RTTN: variants seen among roughly 807,000 people sequenced by gnomAD.
RTTN encodes rotatin.
RTTN carries 182 observed loss-of-function variants against 269.2 expected under a neutral mutation model. The ratio of observed to expected loss-of-function variants is 0.68; its 90% CI spans 0.60 to 0.76. The LOEUF (loss-of-function observed/expected upper bound fraction) is 0.76, where lower values mean the gene tolerates loss of function less well. Among genes scored for constraint, RTTN ranks in the 30% least tolerant of loss-of-function variants. RTTN has a pLI of 0.00. For missense variants in RTTN, 2,545 were observed against 2,608.6 expected (o/e 0.98, Z 0.53); for synonymous variants, 1,006 against 963.5 (o/e 1.04, Z -0.82).
At chr18:70,190,802 A>G in intron 8 of RTTN, 83 bp from the exon 9 acceptor site, 2 of 926,562 alleles carry the variant, frequency 2.2e-6, no homozygotes, top group East Asian at 2.5e-5. Flanking sequence ...CTCGCATATT[A>G]GAAGCCTCAT....
At chr18:70,187,209 G>T (rs763344329) in intron 10 of RTTN, among the ~76,000 whole-genome samples, 1 of 152,064 alleles carries the variant, frequency 6.6e-6, no homozygotes, top group African/African-American at 2.4e-5. Flanking sequence ...AAAATCTCAC[G>T]TATAGATAGA....
intron 26 of RTTN, among the ~76,000 whole-genome samples, chr18:70,119,046 A>G (rs976989309): frequency 1.3e-5 from 2 of 152,120 alleles, no homozygotes; most frequent in African/African-American, 4.8e-5. Context: ...TACTCTCACC[A>G]TGTCTATTCA....
At chr18:70,162,864 C>T (rs2060870118) in intron 14 of RTTN, among the ~76,000 whole-genome samples, 1 of 139,146 alleles carries the variant, frequency 7.2e-6, no homozygotes. Context: ...GCACATGTAC[C>T]CCCAACCCTA....
intron 46 of RTTN, among the ~76,000 whole-genome samples, chr18:70,014,300 T>C (rs115382230): frequency 7.2e-5 from 11 of 152,354 alleles, no homozygotes; most frequent in African/African-American, 2.6e-4. Flanking sequence ...ATTTTCAAGC[T>C]TGTCATTTAT....
chr18:70,190,447 C>T (rs2061643494), intron 9 of RTTN, 91 bp downstream of exon 9: 3 of 818,214 alleles, frequency 3.7e-6, no homozygotes, highest in Non-Finnish European at 5.8e-6. Flanking sequence ...ATTCCAAAGG[C>T]CCTAACATAG....
intron 28 of RTTN, among the ~76,000 whole-genome samples, chr18:70,105,894 T>C (rs1241322712): frequency 6.6e-6 from 1 of 152,152 alleles, no homozygotes; most frequent in Non-Finnish European, 1.5e-5. Context: ...TTAAAAACTA[T>C]ACACAATATA....
chr18:70,038,862 T>TA (rs2057254839), intron 40 of RTTN, among the ~76,000 whole-genome samples: 1 of 152,196 alleles, frequency 6.6e-6, no homozygotes, highest in Non-Finnish European at 1.5e-5. Flanking sequence ...TTTTATCAGA[T>TA]AAATTTAACA....
Position 70,128,461 on chromosome 18 carries a change from A to C in RTTN, c.3040T>G (p.Leu1014Val). 6.2e-7 allele frequency: 1 copy of C among 1,613,350 alleles called. No individual in the cohort carries two copies. Among genetic ancestry groups the C allele is most frequent in the Non-Finnish European group, 8.5e-7 (1 of 1,179,544 alleles). Reference protein sequence around the residue: ...VLPLSADCLALKPVSDMLRIA... With the variant: ...VLPLSADCLAVKPVSDMLRIA... ...CTCAGCATATCTGACACCGGCTTCA[A>C]GGCCAAACAATCAGCAGATAAGGGC... The change falls in exon 24 of 49, where the codon TTG (leucine) becomes GTG (valine). Residue 1014 changes from leucine (L) to valine (V), a missense_variant. Coordinates refer to ENST00000640769, the MANE Select transcript of RTTN (RefSeq NM_173630.4).
intron 14 of RTTN, among the ~76,000 whole-genome samples, chr18:70,156,847 C>T (rs940322111): frequency 2.0e-4 from 31 of 152,154 alleles, no homozygotes; most frequent in African/African-American, 6.8e-4. Flanking sequence ...AGCCTTAGTT[C>T]GCTGCCAGAA....
chr18:70,129,176 C>T (rs1226676085), intron 23 of RTTN: 1 of 151,960 alleles, frequency 6.6e-6, no homozygotes, highest in Non-Finnish European at 1.5e-5. Context: ...ACCGTAAAGA[C>T]ACATGCATGT....
rs758469438 is a variant in RTTN at position 70,109,676 on chromosome 18, G to C, written c.3725C>G (p.Ala1242Gly). ...TTTCAGACACTGGAGCAGTTTCAGAGCCAGCTGCGTTTGAAAAACGTAAAG... is the reference window on the plus strand; with the variant it reads ...TTTCAGACACTGGAGCAGTTTCAGACCCAGCTGCGTTTGAAAAACGTAAAG... ...ELLYVFQTQL[A>G]LKLLQCLKVT... The change falls in exon 28 of 49, where the codon GCT (alanine) becomes GGT (glycine). Residue 1242 changes from alanine (A) to glycine (G), a missense_variant. By Grantham distance (60) the Ala-to-Gly change is moderately conservative (BLOSUM62 0). Coordinates refer to ENST00000640769, the MANE Select transcript of RTTN (RefSeq NM_173630.4). 6.8e-6 allele frequency: 11 copies of C among 1,613,908 alleles called. No homozygotes were observed. The highest frequency in any genetic ancestry group is 9.3e-6 in the Non-Finnish European group (11 of 1,180,008).
At chr18:70,032,277 G>C (rs548550916) in intron 40 of RTTN, among the ~76,000 whole-genome samples, 6 of 152,296 alleles carry the variant, frequency 3.9e-5, no homozygotes, top group African/African-American at 1.2e-4. Context: ...AGCCACACCT[G>C]CTTGGAGTGA....
chr18:70,139,477 T>C, intron 21 of RTTN, 122 bp downstream of exon 21: 1 of 638,094 alleles, frequency 1.6e-6, no homozygotes, highest in Admixed American at 2.6e-5. Flanking sequence ...ATTAGTAGTG[T>C]ATTCACTAAT....
In RTTN at chr18:70,196,341, C is replaced by T. The variant is rs114476702; in HGVS notation, c.841+160G>A. Among the ~76,000 whole-genome samples, 817 of 149,700 alleles carry T rather than the reference C, an allele frequency of 5.5e-3. 8 individuals carry two copies. The highest frequency in any genetic ancestry group is 0.019 in the African/African-American group (767 of 41,004). Reference sequence around the variant, plus strand: ...AGAGATCATGGCAGTTTCTGTCATTCACGCAATCTGTAAAGATAATCATTT... The same window carrying T: ...AGAGATCATGGCAGTTTCTGTCATTTACGCAATCTGTAAAGATAATCATTT... On this transcript the variant is annotated intron_variant, in intron 7 of 48. Coordinates refer to ENST00000640769, the MANE Select transcript of RTTN (RefSeq NM_173630.4).
chr18:70,138,874 G>A (rs1156373333), intron 21 of RTTN: 1 of 151,952 alleles, frequency 6.6e-6, no homozygotes. Flanking sequence ...AGCACATTCA[G>A]ATGCTTGTAC....
rs372590513 is a variant in RTTN, at chr18:70,176,376, CAATA to C, written c.1476+295_1476+298del. Among the ~76,000 whole-genome samples, 1,875 of 152,130 alleles carry C rather than the reference CAATA, an allele frequency of 0.012. 22 individuals are homozygous for C. The highest frequency in any genetic ancestry group is 0.037 in the South Asian group (178 of 4,818). On this transcript the variant is annotated intron_variant, in intron 11 of 48. Transcript: ENST00000640769. ...ATACTGTTAGTCCACTGTAAGCAAT[CAATA>C]AATTATTCACTGAATGAACAAGGAA...
At chr18:70,073,327 C>A (rs2058345300) in intron 34 of RTTN, among the ~76,000 whole-genome samples, 1 of 151,990 alleles carries the variant, frequency 6.6e-6, no homozygotes, top group Non-Finnish European at 1.5e-5. Context: ...AGAAGGCATG[C>A]AAACAGGCAT....
chr18:70,148,068 A>G (rs1378076967), intron 17 of RTTN, among the ~76,000 whole-genome samples: 4 of 152,130 alleles, frequency 2.6e-5, no homozygotes, highest in Non-Finnish European at 5.9e-5. Context: ...AGTTTAGTTA[A>G]CTTCCACCTA....
At chr18:70,059,530 C>A (rs1271643749) in intron 36 of RTTN, among the ~76,000 whole-genome samples, 2 of 152,080 alleles carry the variant, frequency 1.3e-5, no homozygotes, top group Admixed American at 1.3e-4. Context: ...TCCCTCACAT[C>A]CATTAAGAAC....
Sources: gnomAD v4.1 joint callset for allele counts (sites outside exome capture counted in the v4.1 genomes callset) on GRCh38, gnomAD v4.1.1 for gene constraint, MANE v1.5 for transcripts, NCBI Gene and HGNC (gene_info 2026-07-23, HGNC 2026-07-21) for gene names.